GMDS: variants seen among roughly 807,000 people sequenced by gnomAD.
The protein encoded by GMDS is GDP-mannose 4,6-dehydratase.
A neutral mutation model predicts 49.9 loss-of-function variants in GMDS; 20 were observed. That is an observed-to-expected ratio of 0.40 (90% CI 0.28 to 0.58). The LOEUF (loss-of-function observed/expected upper bound fraction) is 0.58. Among genes scored for constraint, GMDS ranks in the 20% least tolerant of loss-of-function variants. The probability of loss-of-function intolerance (pLI) is 0.42; values close to 1 mark genes in which losing one functional copy is unlikely to be tolerated. For synonymous variants in GMDS, 177 were observed against 178.6 expected, an observed-to-expected ratio of 0.99 and a Z score of 0.07; for missense variants, 362 against 481.4, an observed-to-expected ratio of 0.75 and a Z score of 2.32.
At chr6:1,959,824 G>T in intron 6 of GMDS, 43 bp downstream of exon 6, 1 of 1,156,512 alleles carries the variant, frequency 8.6e-7, no homozygotes, top group Non-Finnish European at 1.3e-6. Context: ...TGTTGTTGTT[G>T]TTCAAGTCTG....
chr6:1,789,383 G>A (rs1769438399), intron 7 of GMDS, among the ~76,000 whole-genome samples: 1 of 152,004 alleles, frequency 6.6e-6, no homozygotes, highest in African/African-American at 2.4e-5. Flanking sequence ...AACCATACAG[G>A]GGCCCACCAT....
rs562283041 is a variant in GMDS at position 1,858,968 on chromosome 6, G to C, written c.771+71135C>G. Among the ~76,000 whole-genome samples, 674 of 151,838 alleles carry C rather than the reference G, an allele frequency of 4.4e-3. 4 individuals are homozygous for C. The highest frequency in any genetic ancestry group is 0.016 in the African/African-American group (651 of 41,378). ...TCTCAGTGCTTTTTTTGTGTTTTGG[G>C]GGGGGCAGGCACTTAACTGAGATGA... On this transcript the variant is annotated intron_variant, in intron 7 of 10. Coordinates refer to ENST00000380815, the MANE Select transcript of GMDS (RefSeq NM_001500.4).
At chr6:2,021,009 C>G (rs1472510195) in intron 4 of GMDS, among the ~76,000 whole-genome samples, 1 of 152,190 alleles carries the variant, frequency 6.6e-6, no homozygotes, top group Non-Finnish European at 1.5e-5. Flanking sequence ...AGTTCTACCC[C>G]CAGCTGAGAT....
At chr6:2,007,328 T>C (rs1767252378) in intron 4 of GMDS, among the ~76,000 whole-genome samples, 1 of 152,160 alleles carries the variant, frequency 6.6e-6, no homozygotes, top group Non-Finnish European at 1.5e-5. Flanking sequence ...AGCATTCCCC[T>C]AATTAAAACA....
intron 1 of GMDS, among the ~76,000 whole-genome samples, chr6:2,215,590 C>T (rs781233521): frequency 6.7e-6 from 1 of 149,718 alleles, no homozygotes; most frequent in Non-Finnish European, 1.5e-5. Context: ...TACAGCCAAA[C>T]CATATCAGTG....
intron 1 of GMDS, among the ~76,000 whole-genome samples, chr6:2,126,917 C>T (rs1168312865): frequency 6.6e-6 from 1 of 152,196 alleles, no homozygotes; most frequent in Non-Finnish European, 1.5e-5. Flanking sequence ...CAGGCGTTAG[C>T]CACCATGCCA....
chr6:2,160,084 T>C (rs573271042), intron 1 of GMDS, among the ~76,000 whole-genome samples: 1 of 152,208 alleles, frequency 6.6e-6, no homozygotes, highest in Non-Finnish European at 1.5e-5. Context: ...CTATGAACAA[T>C]TTAAGCCTAA....
chr6:2,208,444 A>T (rs543650862), intron 1 of GMDS, among the ~76,000 whole-genome samples: 3 of 152,362 alleles, frequency 2.0e-5, no homozygotes, highest in African/African-American at 7.2e-5. Context: ...GCAAAGCTAA[A>T]AACAGAAGCT....
chr6:1,737,815 ACAC>A (rs1399005571), intron 8 of GMDS, among the ~76,000 whole-genome samples: 24 of 120,968 alleles, frequency 2.0e-4, no homozygotes, highest in African/African-American at 7.7e-4. Flanking sequence ...ACATACACAC[ACAC>A]CACAAAGACA....
At chr6:1,661,608 G>A (rs1256716112) in intron 9 of GMDS, among the ~76,000 whole-genome samples, 3 of 152,122 alleles carry the variant, frequency 2.0e-5, no homozygotes, top group African/African-American at 7.2e-5. Context: ...CCCAGCCCTC[G>A]CCATCCCCAG....
chr6:2,207,564 T>C (rs1033050685), intron 1 of GMDS, among the ~76,000 whole-genome samples: 2 of 151,966 alleles, frequency 1.3e-5, no homozygotes, highest in African/African-American at 4.9e-5. Flanking sequence ...AGAATTGTAA[T>C]CAAACTTACA....
chr6:1,742,203 A>T (rs112205990), intron 8 of GMDS, among the ~76,000 whole-genome samples: 4,487 of 152,142 alleles, frequency 0.029, 197 homozygotes, highest in African/African-American at 0.098. Context: ...TACAGGCGTG[A>T]ACCACCGCGC....
At chr6:1,865,477 G>C (rs1431273452) in intron 7 of GMDS, among the ~76,000 whole-genome samples, 1 of 152,134 alleles carries the variant, frequency 6.6e-6, no homozygotes, top group Non-Finnish European at 1.5e-5. Flanking sequence ...TTAAGCTAGA[G>C]TGATAAAATC....
chr6:1,729,783 A>G (rs1464499959), intron 8 of GMDS, among the ~76,000 whole-genome samples: 1 of 152,256 alleles, frequency 6.6e-6, no homozygotes, highest in Non-Finnish European at 1.5e-5. Flanking sequence ...ATCCTGTATA[A>G]TTCAATTTTT....
At chr6:1,695,618 G>C (rs1368856564) in intron 9 of GMDS, among the ~76,000 whole-genome samples, 1 of 152,168 alleles carries the variant, frequency 6.6e-6, no homozygotes, top group Non-Finnish European at 1.5e-5. Flanking sequence ...TCAGCATGTG[G>C]CCATGACAAA....
At chr6:2,047,154 C>T (rs1214793243) in intron 4 of GMDS, among the ~76,000 whole-genome samples, 4 of 152,058 alleles carry the variant, frequency 2.6e-5, no homozygotes, top group South Asian at 2.1e-4. Flanking sequence ...AAGTCAATAC[C>T]CAATTCACAT....
intron 7 of GMDS, among the ~76,000 whole-genome samples, chr6:1,749,377 G>A (rs1767635582): frequency 1.3e-5 from 2 of 151,802 alleles, no homozygotes; most frequent in South Asian, 4.2e-4. Flanking sequence ...ATCTTGAGGT[G>A]AGGAGTTTAA....
In GMDS at chr6:1,753,195, C is replaced by T. The variant is rs762421556; in HGVS notation, c.772-10609G>A. Among the ~76,000 whole-genome samples, 82 of 151,698 alleles carry T rather than the reference C, an allele frequency of 5.4e-4. 1 individual carries two copies. Among genetic ancestry groups the T allele is most frequent in the African/African-American group, 1.4e-3 (59 of 41,224 alleles). On this transcript the variant is annotated intron_variant, in intron 7 of 10. Transcript: ENST00000380815. ...AAATAAAGGGATGGAGGAATATTTA[C>T]GAAGCAAATGGAAAGCAAAAAAGAA... is the stretch of plus-strand genomic sequence containing the variant.
intron 7 of GMDS, among the ~76,000 whole-genome samples, chr6:1,856,805 C>T (rs182699846): frequency 6.6e-6 from 1 of 152,328 alleles, no homozygotes; most frequent in African/African-American, 2.4e-5. Flanking sequence ...TCACTTTGTT[C>T]CCTACAGGGC....
Sources: gnomAD v4.1 joint callset for allele counts (sites outside exome capture counted in the v4.1 genomes callset) on GRCh38, gnomAD v4.1.1 for gene constraint, MANE v1.5 for transcripts, NCBI Gene and HGNC (gene_info 2026-07-23, HGNC 2026-07-21) for gene names.